MAPK10: variants seen among roughly 807,000 people sequenced by gnomAD.
MAPK10 encodes the protein JNK3 alpha protein kinase.
In MAPK10, 25 loss-of-function variants were observed where a neutral mutation model predicts 59.3. The observed-to-expected ratio is 0.42, with a 90% CI of 0.31 to 0.59. The LOEUF (loss-of-function observed/expected upper bound fraction) is 0.59, where lower values mean the gene tolerates loss of function less well. Among genes scored for constraint, MAPK10 ranks in the 20% least tolerant of loss-of-function variants. The probability of loss-of-function intolerance (pLI) is 0.15; values close to 1 mark genes in which losing one functional copy is unlikely to be tolerated. For synonymous variants in MAPK10, 190 were observed against 200.5 expected (o/e 0.95, Z 0.44); for missense variants, 351 against 568.9 (o/e 0.62, Z 3.90).
intron 1 of MAPK10, among the ~76,000 whole-genome samples, chr4:86,419,968 C>G (rs1473420565): frequency 6.6e-6 from 1 of 152,176 alleles, no homozygotes; most frequent in Non-Finnish European, 1.5e-5. Flanking sequence ...AAAATAGATA[C>G]ATTCACTCAT....
At chr4:86,245,017 CT>C (rs2092990121) in intron 2 of MAPK10, among the ~76,000 whole-genome samples, 1 of 128,948 alleles carries the variant, frequency 7.8e-6, no homozygotes, top group African/African-American at 4.1e-5. Flanking sequence ...TTTTCTCCTT[CT>C]TATAAACATT....
chr4:86,451,152 G>A (rs1044169893), intron 1 of MAPK10, among the ~76,000 whole-genome samples: 2 of 152,224 alleles, frequency 1.3e-5, no homozygotes, highest in Admixed American at 6.5e-5. Flanking sequence ...ATGGAAGCAA[G>A]GCCAGATTCT....
At chr4:86,133,163 T>C (rs2061319418) in intron 4 of MAPK10, among the ~76,000 whole-genome samples, 1 of 152,190 alleles carries the variant, frequency 6.6e-6, no homozygotes, top group African/African-American at 2.4e-5. Context: ...TTTAAACTGA[T>C]CATAGTATGG....
intron 1 of MAPK10, among the ~76,000 whole-genome samples, chr4:86,538,236 T>C (rs374324460): frequency 2.0e-5 from 3 of 152,006 alleles, no homozygotes; most frequent in East Asian, 1.9e-4. Context: ...AACCTCTGCC[T>C]CCCAGGTTCA....
At chr4:86,133,338 G>A (rs1188989535) in intron 4 of MAPK10, among the ~76,000 whole-genome samples, 1 of 152,054 alleles carries the variant, frequency 6.6e-6, no homozygotes. Flanking sequence ...TGATTCTGTG[G>A]TATTTATCAG....
At chr4:86,345,991 G>A (rs1727958270) in intron 2 of MAPK10, among the ~76,000 whole-genome samples, 1 of 152,184 alleles carries the variant, frequency 6.6e-6, no homozygotes, top group Non-Finnish European at 1.5e-5. Context: ...AAAAGAACAA[G>A]TGGAAATTTT....
intron 9 of MAPK10, among the ~76,000 whole-genome samples, chr4:86,083,289 TG>T (rs1561475590): frequency 6.6e-6 from 1 of 152,094 alleles, no homozygotes; most frequent in African/African-American, 2.4e-5. Context: ...TCCACATTGC[TG>T]AAAGAAGCAC....
chr4:86,373,509 A>G (rs774096568), intron 1 of MAPK10, among the ~76,000 whole-genome samples: 1 of 152,228 alleles, frequency 6.6e-6, no homozygotes, highest in Non-Finnish European at 1.5e-5. Flanking sequence ...CACTCTATCC[A>G]TCTGACAAAG....
intron 3 of MAPK10, among the ~76,000 whole-genome samples, chr4:86,179,705 C>T (rs1323287657): frequency 1.3e-5 from 2 of 151,992 alleles, no homozygotes; most frequent in African/African-American, 2.4e-5. Context: ...CATATCTACG[C>T]CAACTACCTT....
chr4:86,385,988 A>G (rs967663514), intron 1 of MAPK10, among the ~76,000 whole-genome samples: 7 of 152,198 alleles, frequency 4.6e-5, no homozygotes, highest in African/African-American at 1.7e-4. Context: ...TGACTCATAA[A>G]AAAAATTATT....
intron 4 of MAPK10, among the ~76,000 whole-genome samples, chr4:86,136,834 A>G (rs1365517827): frequency 6.6e-6 from 1 of 151,944 alleles, no homozygotes; most frequent in Non-Finnish European, 1.5e-5. Context: ...AAAAGGATGG[A>G]GGAAGATCTA....
At chr4:86,407,468 A>G (rs758716589) in intron 1 of MAPK10, among the ~76,000 whole-genome samples, 1 of 152,296 alleles carries the variant, frequency 6.6e-6, no homozygotes, top group Middle Eastern at 3.4e-3. Flanking sequence ...CATTCACTGA[A>G]TGAAAGGCAC....
chr4:86,467,750 C>T (rs1752331436), intron 1 of MAPK10, among the ~76,000 whole-genome samples: 1 of 152,150 alleles, frequency 6.6e-6, no homozygotes, highest in South Asian at 2.1e-4. Context: ...GATCTCTTGA[C>T]CTCGTGATCC....
At chr4:86,514,613 G>A (rs1756520615) in intron 1 of MAPK10, among the ~76,000 whole-genome samples, 1 of 152,088 alleles carries the variant, frequency 6.6e-6, no homozygotes, top group Admixed American at 6.5e-5. Context: ...TTTTCTATGT[G>A]TACATTTACA....
chr4:86,446,178 G>A (rs970018180), intron 1 of MAPK10, among the ~76,000 whole-genome samples: 32 of 152,274 alleles, frequency 2.1e-4, no homozygotes, highest in Admixed American at 1.4e-3. Flanking sequence ...TATTATCTGT[G>A]AAGCAGTATA....
intron 1 of MAPK10, among the ~76,000 whole-genome samples, chr4:86,589,809 C>T (rs1225311319): frequency 1.3e-5 from 2 of 151,396 alleles, no homozygotes; most frequent in South Asian, 2.1e-4. Context: ...AACTTGAAAC[C>T]CCGTCTCTAC....
In MAPK10 at chr4:86,476,324, C is replaced by G. The variant is rs916184626; in HGVS notation, c.-263+117586G>C. ...CCTCCACTCCTTCCACCCAGTCCAG[C>G]TTACAGTTTCGTTCTGTGACTAGCC... is the stretch of plus-strand genomic sequence containing the variant. On this transcript the variant is annotated intron_variant, in intron 1 of 4. Coordinates refer to the MAPK10 transcript ENST00000502302. Among the ~76,000 whole-genome samples the G allele has an allele frequency of 2.6e-5, 4 of 152,284 alleles. No homozygotes were observed. In the East Asian group the frequency reaches 7.7e-4, roughly 29 times the overall value.
chr4:86,458,580 A>G (rs1177420280), intron 1 of MAPK10, among the ~76,000 whole-genome samples: 1 of 152,242 alleles, frequency 6.6e-6, no homozygotes, highest in African/African-American at 2.4e-5. Context: ...ATATAGACCA[A>G]TGTAATAGAA....
chr4:86,036,429 A>AT (rs1194919304), intron 11 of MAPK10, among the ~76,000 whole-genome samples: 1 of 134,188 alleles, frequency 7.5e-6, no homozygotes, highest in Non-Finnish European at 1.7e-5. Context: ...TGAGAACTTG[A>AT]TAAAAAAAAA....
Sources: gnomAD v4.1 joint callset for allele counts (sites outside exome capture counted in the v4.1 genomes callset) on GRCh38, gnomAD v4.1.1 for gene constraint, MANE v1.5 for transcripts, NCBI Gene and HGNC (gene_info 2026-07-23, HGNC 2026-07-21) for gene names.